The following BRCA1 variants were observed in gnomAD, a reference collection of about 807,000 sequenced individuals.
The protein encoded by BRCA1 is breast cancer type 1 susceptibility protein.
BRCA1 carries 140 observed loss-of-function variants against 173.7 expected under a neutral mutation model. The ratio of observed to expected loss-of-function variants is 0.81; its 90% CI spans 0.70 to 0.93. BRCA1 has a LOEUF of 0.93. Ranked by LOEUF, BRCA1 falls within the 40% of genes least tolerant of loss-of-function variation. BRCA1 has a pLI of 0.00. For missense variants in BRCA1, 1,983 were observed against 2,172.5 expected, an observed-to-expected ratio of 0.91 and a Z score of 1.73; for synonymous variants, 662 against 756.0, an observed-to-expected ratio of 0.88 and a Z score of 2.04.
intron 1 of BRCA1, among the ~76,000 whole-genome samples, chr17:43,146,066 A>G (rs1476462174): frequency 6.6e-6 from 1 of 152,094 alleles, no homozygotes; most frequent in Non-Finnish European, 1.5e-5. Flanking sequence ...TGGTTGTGGT[A>G]GTCCTGTTTT....
At chr17:43,149,875 G>T (rs1398053240) in intron 1 of BRCA1, among the ~76,000 whole-genome samples, 1 of 151,882 alleles carries the variant, frequency 6.6e-6, no homozygotes, top group Non-Finnish European at 1.5e-5. Context: ...TGCATCCTCC[G>T]CCTCCTGGGT....
At chr17:43,055,804 A>G (rs772786896) in intron 19 of BRCA1, among the ~76,000 whole-genome samples, 10 of 152,122 alleles carry the variant, frequency 6.6e-5, no homozygotes, top group Admixed American at 3.3e-4. Flanking sequence ...GTTGTGGCAC[A>G]TGCCTGTAAT....
At chr17:43,100,618 A>AT (rs1491529521) in intron 6 of BRCA1, among the ~76,000 whole-genome samples, 11 of 64,756 alleles carry the variant, frequency 1.7e-4, no homozygotes, top group African/African-American at 8.9e-4. Context: ...ACATATATAT[A>AT]ACATATATAT....
chr17:43,102,172 G>A (rs1825307553), intron 6 of BRCA1, among the ~76,000 whole-genome samples: 2 of 151,092 alleles, frequency 1.3e-5, no homozygotes, highest in Admixed American at 6.6e-5. Flanking sequence ...CCGGGTTCAT[G>A]CTATTCTCCT....
chr17:43,087,855 T>C (rs1459987741), intron 11 of BRCA1, among the ~76,000 whole-genome samples: 1 of 151,280 alleles, frequency 6.6e-6, no homozygotes, highest in Non-Finnish European at 1.5e-5. Flanking sequence ...CCCCAGCCAC[T>C]CAAGTAGCTG....
intron 18 of BRCA1, among the ~76,000 whole-genome samples, chr17:43,061,544 T>C (rs2051751578): frequency 6.6e-6 from 1 of 152,000 alleles, no homozygotes; most frequent in Non-Finnish European, 1.5e-5. Context: ...ATTTAATTAA[T>C]TATGAATACA....
chr17:43,168,098 T>G (rs1350331143), intron 1 of BRCA1: 1 of 262,284 alleles, frequency 3.8e-6, no homozygotes, highest in Admixed American at 5.4e-5. Flanking sequence ...CTATGTAAGG[T>G]CAATTCTGTT....
At chr17:43,074,553 G>A (rs775850331) in intron 13 of BRCA1, 32 bp from the exon 14 acceptor site, 12 of 1,574,876 alleles carry the variant, frequency 7.6e-6, no homozygotes, top group East Asian at 4.5e-5. Flanking sequence ...GAAAACCATC[G>A]CCACCAATTG....
intron 6 of BRCA1, among the ~76,000 whole-genome samples, chr17:43,100,609 CATATATATA>C (rs2054370513): frequency 1.5e-5 from 1 of 65,758 alleles, no homozygotes; most frequent in African/African-American, 6.7e-5. Context: ...ATATATATAA[CATATATATA>C]ACATATATAT....
intron 1 of BRCA1, among the ~76,000 whole-genome samples, chr17:43,145,738 C>CT (rs199625942): frequency 1.3e-5 from 2 of 151,652 alleles, no homozygotes; most frequent in African/African-American, 2.4e-5. Context: ...AGTGTAAATG[C>CT]TTTTTTTTAA....
intron 2 of BRCA1, among the ~76,000 whole-genome samples, chr17:43,117,789 G>T (rs1263199847): frequency 6.6e-6 from 1 of 151,964 alleles, no homozygotes; most frequent in Non-Finnish European, 1.5e-5. Context: ...CATCACCCAA[G>T]TTCCCATCCC....
intron 3 of BRCA1, 150 bp from the exon 4 acceptor site, chr17:43,106,683 T>G: frequency 1.6e-6 from 1 of 637,550 alleles, no homozygotes; most frequent in South Asian, 2.0e-5. Context: ...AAGCAATAGT[T>G]TCCTAATTGT....
intron 3 of BRCA1, chr17:43,110,584 T>A: frequency 2.6e-6 from 1 of 387,892 alleles, no homozygotes. Context: ...TAAGACCCTG[T>A]CTCAAAAAAA....
chr17:43,090,577 G>T (rs2053412728), intron 11 of BRCA1, among the ~76,000 whole-genome samples: 1 of 152,182 alleles, frequency 6.6e-6, no homozygotes, highest in South Asian at 2.1e-4. Flanking sequence ...GTTTCACCAT[G>T]TTGGCCAGGC....
chr17:43,144,114 T>G (rs111898506), intron 1 of BRCA1: 3,694 of 167,904 alleles, frequency 0.022, 102 homozygotes, highest in African/African-American at 0.062. Flanking sequence ...TCCCACCTAC[T>G]CGGGAGGCTG....
At chr17:43,158,143 T>C (rs1269221732) in intron 1 of BRCA1, among the ~76,000 whole-genome samples, 3 of 152,242 alleles carry the variant, frequency 2.0e-5, no homozygotes, top group African/African-American at 7.2e-5. Flanking sequence ...GAGTTTTTAA[T>C]TGATGGTTTA....
At chr17:43,079,668 C>T (rs955716217) in intron 12 of BRCA1, 12 of 897,166 alleles carry the variant, frequency 1.3e-5, no homozygotes, top group Admixed American at 3.4e-5. Context: ...GAGAAAGGTA[C>T]GTGGGTTCAA....
chr17:43,080,759 T>C (rs1432414488), intron 12 of BRCA1, among the ~76,000 whole-genome samples: 1 of 152,078 alleles, frequency 6.6e-6, no homozygotes, highest in African/African-American at 2.4e-5. Context: ...TGAGCTGTGA[T>C]TATGCCACTG....
chr17:43,162,751 G>A (rs1461195422), intron 1 of BRCA1: 11 of 152,062 alleles, frequency 7.2e-5, no homozygotes, highest in African/African-American at 9.7e-5. Flanking sequence ...CTCATGCTTC[G>A]GCCGTGCGTG....
Sources: allele counts gnomAD v4.1 joint callset (sites outside exome capture counted in the v4.1 genomes callset), GRCh38; gene constraint gnomAD v4.1.1; transcripts MANE v1.5; gene names NCBI Gene and HGNC (gene_info 2026-07-23, HGNC 2026-07-21).